The following PRDX1 variants were observed in gnomAD, a reference collection of about 807,000 sequenced individuals.
The protein encoded by PRDX1 is peroxiredoxin 1.
A neutral mutation model predicts 20.7 loss-of-function variants in PRDX1; 19 were observed. That is an observed-to-expected ratio of 0.92 (90% CI 0.64 to 1.35). The LOEUF is 1.35. Ranked by LOEUF, PRDX1 falls within the 40% of genes most tolerant of loss-of-function variation. PRDX1 has a pLI of 0.00. For missense variants in PRDX1, 226 were observed against 240.0 expected (o/e 0.94, Z 0.38); for synonymous variants, 89 against 83.9 (o/e 1.06, Z -0.33).
chr1:45,514,710 C>T, intron 4 of PRDX1, 73 bp from the exon 5 acceptor site: 2 of 1,596,108 alleles, frequency 1.3e-6, no homozygotes, highest in Non-Finnish European at 1.7e-6. Flanking sequence ...AGGCTTGAAG[C>T]CTGAAGGAAA....
upstream of PRDX1, chr1:45,522,049 C>A (rs1049086223): frequency 6.6e-6 from 1 of 152,278 alleles, no homozygotes; most frequent in Non-Finnish European, 1.5e-5. Context: ...GGGGCGGGTG[C>A]GGAAAAATAC....
intron 1 of PRDX1, among the ~76,000 whole-genome samples, chr1:45,521,184 G>A (rs1643909374): frequency 6.6e-6 from 1 of 152,130 alleles, no homozygotes; most frequent in East Asian, 1.9e-4. Context: ...GGTAAAGGCT[G>A]CTGGGATTCA....
intron 1 of PRDX1, among the ~76,000 whole-genome samples, chr1:45,520,831 G>C (rs1643905243): frequency 6.6e-6 from 1 of 151,872 alleles, no homozygotes; most frequent in Admixed American, 6.6e-5. Flanking sequence ...TTGAATTCGG[G>C]AGACAGGGGT....
Position 45,513,602 on chromosome 1 carries a change from C to A in PRDX1, c.514+905G>T, listed in dbSNP as rs145124144. Among the ~76,000 whole-genome samples, 15 of 152,316 alleles carry A rather than the reference C, an allele frequency of 9.8e-5. No homozygotes were observed. In the East Asian group the frequency reaches 1.7e-3, roughly 18 times the overall value. On this transcript the variant is annotated intron_variant, in intron 5 of 5. Transcript: ENST00000319248. The stretch of plus-strand genomic sequence containing the variant: ...ATTTTGTTCTGTACTAAGAAAAATT[C>A]TTCTGCCTTGAGATGCTGTTAATCT...
chr1:45,520,007 C>T (rs1643894498), intron 1 of PRDX1, among the ~76,000 whole-genome samples: 1 of 152,158 alleles, frequency 6.6e-6, no homozygotes, highest in South Asian at 2.1e-4. Flanking sequence ...GAGTTCGAGA[C>T]CAGTCTGGCC....
intron 2 of PRDX1, among the ~76,000 whole-genome samples, chr1:45,518,641 C>T (rs901645468): frequency 6.6e-6 from 1 of 151,980 alleles, no homozygotes; most frequent in Admixed American, 6.6e-5. Context: ...CAGAATGAGA[C>T]CCTGTCTCAA....
chr1:45,520,159 C>A (rs1303921268), intron 1 of PRDX1, among the ~76,000 whole-genome samples: 1 of 146,508 alleles, frequency 6.8e-6, no homozygotes, highest in African/African-American at 2.6e-5. Flanking sequence ...AAGCTGAGAT[C>A]GCGCCACTGC....
intron 1 of PRDX1, among the ~76,000 whole-genome samples, chr1:45,520,065 C>G (rs1348362273): frequency 6.6e-6 from 1 of 151,754 alleles, no homozygotes; most frequent in Non-Finnish European, 1.5e-5. Context: ...ATTAGTCGGG[C>G]GTGGTGGTGC....
chr1:45,514,144 T>C (rs942454170), intron 5 of PRDX1, among the ~76,000 whole-genome samples: 3 of 152,218 alleles, frequency 2.0e-5, no homozygotes, highest in African/African-American at 4.8e-5. Flanking sequence ...GAGATGTTTA[T>C]GTGTATGCAC....
chr1:45,518,462 C>A (rs2149329329), intron 2 of PRDX1, among the ~76,000 whole-genome samples: 1 of 70,400 alleles, frequency 1.4e-5, no homozygotes, highest in East Asian at 5.2e-4. Flanking sequence ...AGCAAAACTC[C>A]ATCTCAAAAA....
chr1:45,515,850 T>C, intron 2 of PRDX1, 43 bp from the exon 3 acceptor site: 1 of 1,495,858 alleles, frequency 6.7e-7, no homozygotes, highest in South Asian at 1.3e-5. Flanking sequence ...TGACACAGAC[T>C]TCCTTGCTTT....
At chr1:45,521,301 GCA>G (rs746589901) in intron 1 of PRDX1, among the ~76,000 whole-genome samples, 1 of 152,194 alleles carries the variant, frequency 6.6e-6, no homozygotes, top group Non-Finnish European at 1.5e-5. Flanking sequence ...GAAAGCACCA[GCA>G]GAGAGAGTGC....
At chr1:45,519,129 G>C (rs1643886897) in intron 1 of PRDX1, 75 bp from the exon 2 acceptor site, 1 of 1,011,916 alleles carries the variant, frequency 9.9e-7, no homozygotes, top group Non-Finnish European at 1.5e-6. Flanking sequence ...TACTTAAAGA[G>C]ACTTAGCTGT....
chr1:45,515,581 A>G (rs1643842468), intron 3 of PRDX1, 73 bp downstream of exon 3: 1 of 1,390,076 alleles, frequency 7.2e-7, no homozygotes. Context: ...CCTGGGCGAC[A>G]AAGCAAGACT....
intron 5 of PRDX1, 101 bp from the exon 6 acceptor site, chr1:45,511,515 A>C: frequency 1.1e-6 from 1 of 884,874 alleles, no homozygotes; most frequent in Non-Finnish European, 1.8e-6. Flanking sequence ...CTCAGATACC[A>C]GGAAACCTAC....
chr1:45,514,589 T>A lies in PRDX1; in HGVS notation c.432A>T (p.Val144=). 1 of 1,613,664 alleles carries A rather than the reference T, an allele frequency of 6.2e-7. No homozygotes were observed. Among genetic ancestry groups the A allele is most frequent in the South Asian group, 1.1e-5 (1 of 91,062 alleles). ...CAGAGCGGCCAACAGGGAGGTCATT[T>A]ACAGTGATCTGCCGAAGAATACCCT... ...DDKGILRQIT[V]NDLPVGRSVD... is the part of the protein sequence containing the mutation. Residue 144 remains valine, a synonymous_variant, in exon 5 of 6, where the codon GTA becomes GTT. Coordinates refer to ENST00000319248, the MANE Select transcript of PRDX1 (RefSeq NM_181697.3).
Position 45,514,859 on chromosome 1 carries a change from T to C in PRDX1, c.383+14A>G. ...AGGCTTTCAGCCAACTGGATACTTGTCCTGATGACATACCTGAACGAGATG... is the reference window on the plus strand; with the variant it reads ...AGGCTTTCAGCCAACTGGATACTTGCCCTGATGACATACCTGAACGAGATG... On this transcript the variant is annotated intron_variant, in intron 4 of 5. Transcript: ENST00000319248. The C allele has an allele frequency of 6.2e-7, 1 of 1,614,024 alleles. No homozygotes were observed. The highest frequency in any genetic ancestry group is 8.5e-7 in the Non-Finnish European group (1 of 1,179,948).
At position 45,511,376 on chromosome 1, in the gene PRDX1, T is replaced by G; in HGVS notation, c.553A>C (p.Lys185Gln). Reference sequence around the variant, plus strand: ...TCTTTGCTCTTTTGGACATCAGGCTTGATGGTATCACTGCCAGGTTTCCAG... The same window carrying G: ...TCTTTGCTCTTTTGGACATCAGGCTGGATGGTATCACTGCCAGGTTTCCAG... Reference protein sequence around the residue: ...AGWKPGSDTIKPDVQKSKEYF... With the variant: ...AGWKPGSDTIQPDVQKSKEYF... Residue 185 changes from lysine to glutamine, a missense_variant, in exon 6 of 6, where the codon AAG becomes CAG. By Grantham distance (53) the Lys-to-Gln change is moderately conservative (BLOSUM62 1). Coordinates refer to ENST00000319248, the MANE Select transcript of PRDX1 (RefSeq NM_181697.3). 6.2e-7 allele frequency: 1 copy of G among 1,613,330 alleles called. No homozygotes were observed. Among genetic ancestry groups the G allele is most frequent in the Non-Finnish European group, 8.5e-7 (1 of 1,179,708 alleles).
intron 2 of PRDX1, among the ~76,000 whole-genome samples, chr1:45,516,774 C>T (rs992675193): frequency 2.0e-5 from 3 of 152,034 alleles, no homozygotes; most frequent in Non-Finnish European, 2.9e-5. Flanking sequence ...GTTTGGGAGG[C>T]AGTTTGGGAG....
Sources: gnomAD v4.1 joint callset for allele counts (sites outside exome capture counted in the v4.1 genomes callset) on GRCh38, gnomAD v4.1.1 for gene constraint, MANE v1.5 for transcripts, NCBI Gene and HGNC (gene_info 2026-07-23, HGNC 2026-07-21) for gene names.